The following SMC1B variants were observed in gnomAD, a reference collection of about 807,000 sequenced individuals.
The protein encoded by SMC1B is structural maintenance of chromosomes protein 1B.
SMC1B carries 60 observed loss-of-function variants against 157.9 expected under a neutral mutation model. The observed-to-expected ratio is 0.38, with a 90% confidence interval of 0.31 to 0.47. The LOEUF is 0.47. Ranked by LOEUF, SMC1B falls within the 20% of genes least tolerant of loss-of-function variation. The pLI is 0.99. For missense variants in SMC1B, 1,165 were observed against 1,426.2 expected (o/e 0.82, Z 2.95); for synonymous variants, 445 against 483.0 (o/e 0.92, Z 1.03).
chr22:45,354,932 C>G (rs2086655134), intron 20 of SMC1B, 27 bp downstream of exon 20: 1 of 1,609,184 alleles, frequency 6.2e-7, no homozygotes, highest in Non-Finnish European at 8.5e-7. Flanking sequence ...TGAATATAAT[C>G]TTGTTAGTGA....
intron 1 of SMC1B, among the ~76,000 whole-genome samples, chr22:45,411,375 G>T (rs2087331526): frequency 6.6e-6 from 1 of 152,198 alleles, no homozygotes; most frequent in Admixed American, 6.5e-5. Context: ...TATACGAAAT[G>T]TCCCAAATAG....
intron 6 of SMC1B, 79 bp downstream of exon 6, chr22:45,399,016 C>A: frequency 7.3e-7 from 1 of 1,366,532 alleles, no homozygotes; most frequent in Non-Finnish European, 1.0e-6. Flanking sequence ...TCAGAGAGGT[C>A]ATCTTTTAAA....
intron 6 of SMC1B, among the ~76,000 whole-genome samples, chr22:45,396,967 A>G (rs541593917): frequency 8.5e-5 from 13 of 152,292 alleles, no homozygotes; most frequent in African/African-American, 3.1e-4. Context: ...ACAAGATTTA[A>G]TTATAATAAA....
intron 13 of SMC1B, 89 bp downstream of exon 13, chr22:45,372,066 G>A (rs136572): frequency 0.51 from 556,839 of 1,089,646 alleles, 153,393 homozygotes; most frequent in African/African-American, 0.9. Context: ...AAAAGTATCT[G>A]AAAATTACAT....
chr22:45,388,672 G>A lies in SMC1B; in HGVS notation c.1731+1040C>T, dbSNP rs551751796. 1.3e-3 allele frequency among the ~76,000 whole-genome samples: 202 copies of A among 152,164 alleles called. 1 individual carries two copies. Among genetic ancestry groups the A allele is most frequent in the African/African-American group, 4.7e-3 (196 of 41,530 alleles). On this transcript the variant is annotated intron_variant, in intron 10 of 24. Transcript: ENST00000357450. ...CTTCCATTTCCACACATGGAAAACT[G>A]ATGCTCAGAAAAATTAAGAATAGGA...
At chr22:45,361,781 T>C (rs1486650933) in intron 17 of SMC1B, 58 bp downstream of exon 17, 7 of 1,503,780 alleles carry the variant, frequency 4.7e-6, no homozygotes, top group East Asian at 2.3e-5. Context: ...TTTCAGATAG[T>C]TGGTGTCCAT....
At chr22:45,360,621 TAATGAGACCTCATTTCTTAAAAAAAAAAA>T (rs2086712398) in intron 17 of SMC1B, among the ~76,000 whole-genome samples, 1 of 151,494 alleles carries the variant, frequency 6.6e-6, no homozygotes, top group African/African-American at 2.4e-5. Context: ...GAGACCAGCA[TAATGAGACCTCATTTCTTAAAAAAAAAAA>T]AATGGAAGAA....
chr22:45,384,054 A>T (rs979279068), intron 11 of SMC1B, among the ~76,000 whole-genome samples: 17 of 152,308 alleles, frequency 1.1e-4, no homozygotes, highest in South Asian at 2.1e-4. Context: ...TTTCCCCATA[A>T]AGTGTTACTA....
At chr22:45,380,759 A>T (rs548085799) in intron 12 of SMC1B, among the ~76,000 whole-genome samples, 1 of 152,190 alleles carries the variant, frequency 6.6e-6, no homozygotes, top group Admixed American at 6.5e-5. Flanking sequence ...CGCTACAAAA[A>T]ATTAAAATAA....
intron 20 of SMC1B, among the ~76,000 whole-genome samples, chr22:45,354,526 G>A (rs1294341287): frequency 6.6e-6 from 1 of 152,062 alleles, no homozygotes; most frequent in Non-Finnish European, 1.5e-5. Flanking sequence ...GAGTAGCTGG[G>A]ACTACAGGTG....
intron 6 of SMC1B, among the ~76,000 whole-genome samples, chr22:45,397,399 C>T (rs935195333): frequency 6.6e-6 from 1 of 152,068 alleles, no homozygotes; most frequent in Non-Finnish European, 1.5e-5. Context: ...CGCCTGTAGA[C>T]GGGAGGATCA....
At chr22:45,359,641 G>A (rs528848648) in intron 18 of SMC1B, among the ~76,000 whole-genome samples, 164 bp downstream of exon 18, 74 of 152,278 alleles carry the variant, frequency 4.9e-4, no homozygotes, top group African/African-American at 1.7e-3. Flanking sequence ...GGTTCATCCC[G>A]TGGCCCTAGT....
chr22:45,355,296 G>A (rs943218602), intron 19 of SMC1B, among the ~76,000 whole-genome samples, 181 bp from the exon 20 acceptor site: 1 of 152,074 alleles, frequency 6.6e-6, no homozygotes, highest in Non-Finnish European at 1.5e-5. Flanking sequence ...TTCCTGAGTC[G>A]GCAGTGCTCT....
Position 45,406,502 on chromosome 22 carries a change from A to T in SMC1B, c.573T>A (p.Asn191Lys). ...DAQFNFNKKK[N>K]IAAERRQAKL... ...TTGCTTGTCTGCGCTCTGCCGCTAT[A>T]TTTTTTTTCTTATTAAAGTTAAACT... is the stretch of plus-strand genomic sequence containing the variant. Residue 191 changes from asparagine to lysine, a missense_variant, in exon 4 of 25, where the codon AAT becomes AAA. Physicochemically the swap from Asn to Lys is moderately conservative, Grantham distance 94. Transcript: ENST00000357450. The T allele has an allele frequency of 6.2e-7, 1 of 1,611,644 alleles. No individual in the cohort carries two copies. Among genetic ancestry groups the T allele is most frequent in the Non-Finnish European group, 8.5e-7 (1 of 1,179,616 alleles).
At chr22:45,347,174 G>A (rs28430795) in intron 23 of SMC1B, among the ~76,000 whole-genome samples, 332 of 152,134 alleles carry the variant, frequency 2.2e-3, no homozygotes, top group African/African-American at 7.3e-3. Context: ...GCATTCAGGA[G>A]ACAACTCAAG....
intron 13 of SMC1B, among the ~76,000 whole-genome samples, chr22:45,371,884 G>A (rs1028155423): frequency 2.6e-5 from 4 of 151,822 alleles, no homozygotes; most frequent in Admixed American, 6.6e-5. Context: ...TGGTGAAACC[G>A]CATGTCTACT....
intron 12 of SMC1B, among the ~76,000 whole-genome samples, chr22:45,379,345 T>C (rs1402094520): frequency 2.0e-5 from 3 of 152,250 alleles, no homozygotes; most frequent in Admixed American, 6.5e-5. Context: ...TTTAAATCTA[T>C]GAGTCTTGAT....
chr22:45,399,474 G>A (rs2087166780), intron 5 of SMC1B, 121 bp from the exon 6 acceptor site: 2 of 950,366 alleles, frequency 2.1e-6, no homozygotes, highest in South Asian at 1.8e-5. Context: ...TTCAGAGACT[G>A]TAAGCAGATC....
Position 45,399,242 on chromosome 22 carries a change from G to C in SMC1B, c.966C>G (p.Ser322Arg). The stretch of plus-strand genomic sequence containing the variant: ...CTTCCTGTTTAGAACATTGTTTTTC[G>C]CTGTCCTTTATTGATTTCTTAGCCA... ...LDVAKKSIKD[S>R]EKQCSKQEDD... is the part of the protein sequence containing the mutation. The change falls in exon 6 of 25, where the codon AGC (serine) becomes AGG (arginine). Residue 322 changes from serine (S) to arginine (R), a missense_variant. Coordinates refer to ENST00000357450, the MANE Select transcript of SMC1B (RefSeq NM_148674.5). 6.2e-7 allele frequency: 1 copy of C among 1,613,860 alleles called. No individual in the cohort carries two copies. The highest frequency in any genetic ancestry group is 8.5e-7 in the Non-Finnish European group (1 of 1,179,904).
Sources: gnomAD v4.1 joint callset for allele counts (sites outside exome capture counted in the v4.1 genomes callset) on GRCh38, gnomAD v4.1.1 for gene constraint, MANE v1.5 for transcripts, NCBI Gene and HGNC (gene_info 2026-07-23, HGNC 2026-07-21) for gene names.